SEC61B: variants seen among roughly 807,000 people sequenced by gnomAD.
SEC61B encodes the protein SEC61 translocon subunit beta, also known as protein transport protein Sec61 subunit beta.
In SEC61B, 7 loss-of-function variants were observed where a neutral mutation model predicts 12.6. The ratio of observed to expected loss-of-function variants is 0.55; its 90% confidence interval spans 0.32 to 1.04. SEC61B has a LOEUF of 1.04. Among genes scored for constraint, SEC61B ranks in the 50% least tolerant of loss-of-function variants. SEC61B has a pLI of 0.05. For synonymous variants in SEC61B, 54 were observed against 50.1 expected (o/e 1.08, Z -0.33); for missense variants, 107 against 130.1 (o/e 0.82, Z 0.86).
intron 2 of SEC61B, among the ~76,000 whole-genome samples, chr9:99,223,746 T>G (rs1398186808): frequency 1.3e-5 from 2 of 152,250 alleles, no homozygotes; most frequent in African/African-American, 4.8e-5. Context: ...AACCCATTAC[T>G]GTTTTCTGAA....
Position 99,222,340 on chromosome 9 carries a change from C to T in SEC61B, c.-24C>T, listed in dbSNP as rs745557802. 2.5e-6 allele frequency: 4 copies of T among 1,614,052 alleles called. No individual in the cohort carries two copies. The highest frequency in any genetic ancestry group is 4.5e-5 in the East Asian group (2 of 44,886). On this transcript the variant is annotated 5_prime_UTR_variant, in exon 1 of 4. Transcript: ENST00000223641. Reference sequence around the variant, plus strand: ...GTAACTTTCTATCCGTCCGCGTCAGCGCCTTGCCACCCTCATCTCCAATAT... The same window carrying T: ...GTAACTTTCTATCCGTCCGCGTCAGTGCCTTGCCACCCTCATCTCCAATAT...
chr9:99,226,198 T>G (rs940629756), intron 2 of SEC61B, among the ~76,000 whole-genome samples: 2 of 152,176 alleles, frequency 1.3e-5, no homozygotes, highest in African/African-American at 4.8e-5. Context: ...CAAATCATGG[T>G]TTGGCACTGA....
intron 1 of SEC61B, 76 bp from the exon 2 acceptor site, chr9:99,222,470 G>C: frequency 6.2e-7 from 1 of 1,604,072 alleles, no homozygotes; most frequent in Non-Finnish European, 8.5e-7. Context: ...CCCAGCCTCG[G>C]GTGTGGGTGT....
At chr9:99,224,101 A>C (rs1828870093) in intron 2 of SEC61B, among the ~76,000 whole-genome samples, 1 of 152,222 alleles carries the variant, frequency 6.6e-6, no homozygotes, top group African/African-American at 2.4e-5. Context: ...GGGAGGAAAA[A>C]ATCTTGAACA....
At position 99,227,776 on chromosome 9, in the gene SEC61B, G is replaced by A. The variant is rs938962429; in HGVS notation, c.102-123G>A. ...AGGAGTAAAAGCAGGAATTTAGGTG[G>A]ATTCTAGCAAAGAAAGTTTTTTTTT... On this transcript the variant is annotated intron_variant, in intron 2 of 3. Coordinates refer to ENST00000223641, the MANE Select transcript of SEC61B (RefSeq NM_006808.3). The A allele has an allele frequency of 1.4e-4, 99 of 683,106 alleles. No individual in the cohort carries two copies. The African/African-American group carries it at 1.7e-3, about 11-fold the overall frequency. 42.3% of individuals were successfully genotyped at this position (683,106 alleles called of 1,614,324 possible).
rs995074562 is a variant in SEC61B at position 99,222,663 on chromosome 9, G to A, written c.101+20G>A. On this transcript the variant is annotated intron_variant, in intron 2 of 3. Coordinates refer to ENST00000223641, the MANE Select transcript of SEC61B (RefSeq NM_006808.3). The stretch of plus-strand genomic sequence containing the variant: ...GCAGAGGTAAGGAACCCTGCAGTTC[G>A]TTCGCTTCCAGACTCGGAGATAGGA... The A allele has an allele frequency of 4.0e-6, 6 of 1,482,572 alleles. No individual in the cohort carries two copies. The highest frequency in any genetic ancestry group is 5.4e-6 in the Non-Finnish European group (6 of 1,104,848). 91.8% of individuals were successfully genotyped at this position (1,482,572 alleles called of 1,614,324 possible). A position where few individuals can be genotyped will look rare whatever the true frequency, so the allele number is the denominator to read the frequency against.
chr9:99,227,543 A>C (rs776984533), intron 2 of SEC61B, among the ~76,000 whole-genome samples: 165 of 152,354 alleles, frequency 1.1e-3, no homozygotes, highest in Non-Finnish European at 1.6e-3. Context: ...CACATGACAC[A>C]GCTGGATGTT....
chr9:99,228,135 G>T, intron 3 of SEC61B, 135 bp downstream of exon 3: 1 of 646,950 alleles, frequency 1.5e-6, no homozygotes, highest in Non-Finnish European at 2.6e-6. Flanking sequence ...GTGCCAGGCG[G>T]ACTGGGTTTG....
chr9:99,223,352 G>T (rs940919583), intron 2 of SEC61B, among the ~76,000 whole-genome samples: 77 of 150,294 alleles, frequency 5.1e-4, no homozygotes, highest in Middle Eastern at 3.5e-3. Flanking sequence ...AAACCGGGGG[G>T]ATACCAAAGC....
intron 3 of SEC61B, 67 bp downstream of exon 3, chr9:99,228,067 TCTCTGTCACCAGTAGCGTTTGC>T: frequency 8.2e-7 from 1 of 1,218,348 alleles, no homozygotes; most frequent in Non-Finnish European, 1.2e-6. Context: ...CAGCACTCTG[TCTCTGTCACCAGTAGCGTTTGC>T]CTTGATGCGA....
chr9:99,225,670 C>A (rs1243184445), intron 2 of SEC61B, among the ~76,000 whole-genome samples: 1 of 152,166 alleles, frequency 6.6e-6, no homozygotes, highest in Non-Finnish European at 1.5e-5. Flanking sequence ...TACCTAGCTA[C>A]CCCTAGGGAA....
chr9:99,229,544 T>C (rs1467533792), intron 3 of SEC61B, among the ~76,000 whole-genome samples: 3 of 152,134 alleles, frequency 2.0e-5, no homozygotes, highest in Non-Finnish European at 1.5e-5. Context: ...AGAATCTCAC[T>C]GTGTTGCCCA....
chr9:99,227,285 A>C (rs1028520598), intron 2 of SEC61B, among the ~76,000 whole-genome samples: 10 of 151,510 alleles, frequency 6.6e-5, no homozygotes, highest in South Asian at 2.1e-4. Flanking sequence ...AAAAAAAAAA[A>C]AAAAAACAAA....
intron 2 of SEC61B, among the ~76,000 whole-genome samples, chr9:99,223,461 T>G (rs1257811943): frequency 3.3e-5 from 5 of 151,628 alleles, no homozygotes; most frequent in African/African-American, 4.8e-5. Flanking sequence ...TGGCACGATC[T>G]CGGCTCACTA....
At chr9:99,229,676 C>T (rs958960619) in intron 3 of SEC61B, among the ~76,000 whole-genome samples, 1 of 152,104 alleles carries the variant, frequency 6.6e-6, no homozygotes, top group African/African-American at 2.4e-5. Context: ...AAACCCTTCT[C>T]AAGAAGGTTG....
Position 99,227,771 on chromosome 9 carries a change from A to G in SEC61B, c.102-128A>G, listed in dbSNP as rs17787503. The stretch of plus-strand genomic sequence containing the variant: ...ATCAAAGGAGTAAAAGCAGGAATTT[A>G]GGTGGATTCTAGCAAAGAAAGTTTT... On this transcript the variant is annotated intron_variant, in intron 2 of 3. Coordinates refer to ENST00000223641, the MANE Select transcript of SEC61B (RefSeq NM_006808.3). The G allele has an allele frequency of 0.066, 43,499 of 654,270 alleles. 1,671 individuals are homozygous for G. Among genetic ancestry groups the G allele is most frequent in the Middle Eastern group, 0.079 (186 of 2,358 alleles). The allele number at this position is 654,270 out of a possible 1,614,324, so 40.5% of individuals were successfully genotyped here.
At chr9:99,230,161 A>G (rs1828943012) in intron 3 of SEC61B, among the ~76,000 whole-genome samples, 176 bp from the exon 4 acceptor site, 1 of 152,248 alleles carries the variant, frequency 6.6e-6, no homozygotes, top group South Asian at 2.1e-4. Flanking sequence ...CACACCTTCA[A>G]AAGTATCCAC....
At chr9:99,228,375 A>G (rs1250994873) in intron 3 of SEC61B, among the ~76,000 whole-genome samples, 6 of 152,226 alleles carry the variant, frequency 3.9e-5, no homozygotes, top group Non-Finnish European at 8.8e-5. Context: ...TGATTTTTCA[A>G]AGTTCTCCTG....
At chr9:99,226,864 C>G (rs1023805170) in intron 2 of SEC61B, among the ~76,000 whole-genome samples, 1 of 152,180 alleles carries the variant, frequency 6.6e-6, no homozygotes, top group African/African-American at 2.4e-5. Flanking sequence ...GTGTATCTTA[C>G]AAGCCTTGAT....
Sources: gnomAD v4.1 joint callset for allele counts (sites outside exome capture counted in the v4.1 genomes callset) on GRCh38, gnomAD v4.1.1 for gene constraint, MANE v1.5 for transcripts, NCBI Gene and HGNC (gene_info 2026-07-23, HGNC 2026-07-21) for gene names.